DDX60L: variants seen among roughly 807,000 people sequenced by gnomAD.
DDX60L encodes probable ATP-dependent RNA helicase DDX60-like.
DDX60L carries 191 observed loss-of-function variants against 211.6 expected under a neutral mutation model. The observed-to-expected ratio is 0.90, with a 90% CI of 0.80 to 1.02. DDX60L has a LOEUF of 1.02. Ranked by LOEUF, DDX60L falls within the 50% of genes least tolerant of loss-of-function variation. The probability of loss-of-function intolerance (pLI) is 0.00; values close to 1 mark genes in which losing one functional copy is unlikely to be tolerated. For missense variants in DDX60L, 2,007 were observed against 1,984.1 expected (o/e 1.01, Z -0.22); for synonymous variants, 706 against 694.1 (o/e 1.02, Z -0.27).
chr4:168,367,006 T>C (rs1717076559), intron 36 of DDX60L, among the ~76,000 whole-genome samples: 1 of 151,922 alleles, frequency 6.6e-6, no homozygotes, highest in Non-Finnish European at 1.5e-5. Flanking sequence ...TATGTTAATA[T>C]GTTAATAACA....
intron 26 of DDX60L, among the ~76,000 whole-genome samples, chr4:168,400,474 C>T (rs1579390259): frequency 6.6e-6 from 1 of 152,126 alleles, no homozygotes; most frequent in Non-Finnish European, 1.5e-5. Flanking sequence ...CTAATTTACA[C>T]TCCCACCAAT....
At chr4:168,358,533 T>G (rs1363387893) in intron 37 of DDX60L, among the ~76,000 whole-genome samples, 1 of 143,622 alleles carries the variant, frequency 7.0e-6, no homozygotes, top group South Asian at 2.3e-4. Flanking sequence ...TCTTTTTTTT[T>G]TTTTTTTTTT....
chr4:168,402,907 C>T (rs1465261383), intron 25 of DDX60L, among the ~76,000 whole-genome samples: 3 of 152,134 alleles, frequency 2.0e-5, no homozygotes, highest in Non-Finnish European at 4.4e-5. Flanking sequence ...TTTAAAATGT[C>T]TATTTTTAAA....
intron 1 of DDX60L, among the ~76,000 whole-genome samples, chr4:168,479,832 A>T (rs1048364679): frequency 8.8e-5 from 13 of 148,290 alleles, no homozygotes; most frequent in East Asian, 2.0e-4. Context: ...AAATAAAAAA[A>T]AATTAGCCGG....
At position 168,471,937 on chromosome 4, in the gene DDX60L, C is replaced by CTA; in HGVS notation, c.75-3_75-2dup. ...AAAATCATTTAATATGCTGGAATACCTAAAATAAAAATCAAAGAGAATAAA... is the reference window on the plus strand; with the variant it reads ...AAAATCATTTAATATGCTGGAATACCTATAAAATAAAAATCAAAGAGAATAAA... On this transcript the variant is annotated splice_acceptor_variant, in intron 3 of 37. Coordinates refer to ENST00000682922, the MANE Select transcript of DDX60L (RefSeq NM_001012967.3). LOFTEE classifies it high-confidence loss of function. 1 of 1,578,618 alleles carries CTA rather than the reference C, an allele frequency of 6.3e-7. No individual in the cohort carries two copies. Among genetic ancestry groups the CTA allele is most frequent in the Non-Finnish European group, 8.6e-7 (1 of 1,162,094 alleles).
At chr4:168,475,764 T>C (rs1759395986) in intron 1 of DDX60L, among the ~76,000 whole-genome samples, 1 of 152,130 alleles carries the variant, frequency 6.6e-6, no homozygotes, top group African/African-American at 2.4e-5. Flanking sequence ...GTGATGGTAA[T>C]TGGAGATGGG....
intron 7 of DDX60L, among the ~76,000 whole-genome samples, chr4:168,453,511 C>T (rs1756097355): frequency 6.6e-6 from 1 of 152,172 alleles, no homozygotes; most frequent in Admixed American, 6.5e-5. Context: ...TTCAGTGAAG[C>T]TGGACTTTAA....
At chr4:168,437,202 T>G (rs2149975722) in intron 10 of DDX60L, among the ~76,000 whole-genome samples, 1 of 152,326 alleles carries the variant, frequency 6.6e-6, no homozygotes, top group South Asian at 2.1e-4. Flanking sequence ...TGACCTTATT[T>G]TGAAATAGGG....
intron 10 of DDX60L, among the ~76,000 whole-genome samples, chr4:168,436,645 G>C (rs986734460): frequency 1.3e-5 from 2 of 152,112 alleles, no homozygotes; most frequent in African/African-American, 2.4e-5. Flanking sequence ...GTGAATTATA[G>C]GCATAATTCA....
chr4:168,393,338 A>C (rs967831734), intron 28 of DDX60L, among the ~76,000 whole-genome samples: 2 of 152,080 alleles, frequency 1.3e-5, no homozygotes, highest in Non-Finnish European at 1.5e-5. Context: ...TCTACTAAAA[A>C]TACAAAAATT....
intron 28 of DDX60L, 93 bp from the exon 29 acceptor site, chr4:168,391,737 T>C (rs2149724242): frequency 1.6e-6 from 1 of 625,540 alleles, no homozygotes; most frequent in South Asian, 2.5e-5. Context: ...GAACAACTCT[T>C]AGAGCTTTAA....
At chr4:168,454,499 A>G (rs1463507222) in intron 7 of DDX60L, among the ~76,000 whole-genome samples, 1 of 152,184 alleles carries the variant, frequency 6.6e-6, no homozygotes, top group Non-Finnish European at 1.5e-5. Context: ...TATCACCAAT[A>G]CACAGTAAGC....
intron 26 of DDX60L, among the ~76,000 whole-genome samples, chr4:168,399,538 A>T (rs1746424656): frequency 6.6e-6 from 1 of 152,148 alleles, no homozygotes. Context: ...GAAAAGCAAC[A>T]CCCGTAACAG....
At chr4:168,391,834 CCTAA>C (rs1744890761) in intron 28 of DDX60L, among the ~76,000 whole-genome samples, 190 bp from the exon 29 acceptor site, 1 of 152,176 alleles carries the variant, frequency 6.6e-6, no homozygotes, top group Admixed American at 6.5e-5. Flanking sequence ...ACTTCAGCAT[CCTAA>C]CTGTTGCCAT....
intron 17 of DDX60L, among the ~76,000 whole-genome samples, chr4:168,420,690 C>T (rs62334144): frequency 0.044 from 5,104 of 115,918 alleles, 110 homozygotes; most frequent in Middle Eastern, 0.062. Context: ...GATAGACAGA[C>T]AGACAGACAG....
chr4:168,448,671 T>G lies in DDX60L; in HGVS notation c.1105A>C (p.Ile369Leu). Residue 369 changes from isoleucine (I) to leucine (L), a missense_variant, in exon 9 of 38, where the codon ATA becomes CTA. Physicochemically the swap from Ile to Leu is conservative, Grantham distance 5. Coordinates refer to ENST00000682922, the MANE Select transcript of DDX60L (RefSeq NM_001012967.3). Reference protein sequence around the residue: ...DLYDEQLLKNIAFYYEFESTQ... With the variant: ...DLYDEQLLKNLAFYYEFESTQ... The stretch of plus-strand genomic sequence containing the variant: ...CTTTCAAATTCATAGTAGAAGGCTA[T>G]ATTCTTTAACAATTGCTCATCATAC... The G allele has an allele frequency of 6.3e-7, 1 of 1,584,328 alleles. No homozygotes were observed. Among genetic ancestry groups the G allele is most frequent in the Non-Finnish European group, 8.6e-7 (1 of 1,157,136 alleles).
chr4:168,392,796 A>C (rs4692927), intron 28 of DDX60L, among the ~76,000 whole-genome samples: 149,510 of 150,484 alleles, frequency 0.99, 74,277 homozygotes, highest in Middle Eastern at 1. Flanking sequence ...GCCGAGATTA[A>C]ACCATTGCAC....
chr4:168,415,107 T>C (rs932590363), intron 22 of DDX60L, among the ~76,000 whole-genome samples: 3 of 151,902 alleles, frequency 2.0e-5, no homozygotes, highest in Non-Finnish European at 2.9e-5. Flanking sequence ...GTGTATCCAT[T>C]AAAGGATAAA....
intron 33 of DDX60L, among the ~76,000 whole-genome samples, chr4:168,376,432 C>T (rs1406673210): frequency 6.6e-6 from 1 of 152,162 alleles, no homozygotes; most frequent in African/African-American, 2.4e-5. Flanking sequence ...ATGAGATAAA[C>T]AGCTATTTAT....
Sources: allele counts gnomAD v4.1 joint callset (sites outside exome capture counted in the v4.1 genomes callset), GRCh38; gene constraint gnomAD v4.1.1; transcripts MANE v1.5; gene names NCBI Gene and HGNC (gene_info 2026-07-23, HGNC 2026-07-21).